The following PRKN variants were observed in gnomAD, a reference collection of about 807,000 sequenced individuals.
PRKN encodes the protein parkin RBR E3 ubiquitin protein ligase.
A neutral mutation model predicts 59.5 loss-of-function variants in PRKN; 56 were observed. The ratio of observed to expected loss-of-function variants is 0.94; its 90% CI spans 0.76 to 1.18. The LOEUF is 1.18. PRKN is among the 50% of genes most tolerant of loss of function. The pLI, the probability that PRKN is intolerant of heterozygous loss-of-function variation, is 0.00. For synonymous variants in PRKN, 250 were observed against 222.1 expected (o/e 1.13, Z -1.12); for missense variants, 657 against 596.4 (o/e 1.10, Z -1.06).
intron 5 of PRKN, among the ~76,000 whole-genome samples, chr6:162,053,003 A>G (rs539442003): frequency 5.9e-5 from 9 of 152,308 alleles, no homozygotes; most frequent in African/African-American, 2.2e-4. Context: ...ATTCTGCCCT[A>G]TGAAATACGC....
intron 7 of PRKN, among the ~76,000 whole-genome samples, chr6:161,721,687 G>GTGC (rs1787229360): frequency 6.6e-6 from 1 of 152,114 alleles, no homozygotes; most frequent in South Asian, 2.1e-4. Context: ...CTGGGGCTGC[G>GTGC]TGGATGGCCC....
At chr6:161,609,766 G>T (rs1369365945) in intron 7 of PRKN, among the ~76,000 whole-genome samples, 3 of 152,196 alleles carry the variant, frequency 2.0e-5, no homozygotes, top group Admixed American at 6.5e-5. Flanking sequence ...TCAGGGCGAG[G>T]TCTGTGCTGG....
intron 1 of PRKN, among the ~76,000 whole-genome samples, chr6:162,474,717 G>C (rs1030923073): frequency 6.6e-6 from 1 of 152,136 alleles, no homozygotes; most frequent in East Asian, 1.9e-4. Flanking sequence ...AACAGGTTTC[G>C]ATGGGAGATG....
intron 7 of PRKN, among the ~76,000 whole-genome samples, chr6:161,708,992 A>G (rs939639793): frequency 1.3e-5 from 2 of 152,254 alleles, no homozygotes; most frequent in African/African-American, 4.8e-5. Flanking sequence ...GCCACCTATG[A>G]CAACTGAGCA....
chr6:161,865,537 C>T (rs1437612479), intron 6 of PRKN, among the ~76,000 whole-genome samples: 1 of 152,180 alleles, frequency 6.6e-6, no homozygotes, highest in Non-Finnish European at 1.5e-5. Flanking sequence ...CCAGATACAT[C>T]AAACATTTAA....
intron 7 of PRKN, among the ~76,000 whole-genome samples, chr6:161,570,124 T>TAAAAAAAAAAAAAAAAAAAAAAAAAA (rs55699586): frequency 1.9e-5 from 1 of 51,418 alleles, no homozygotes; most frequent in African/African-American, 8.3e-5. Context: ...AGTAAATAGG[T>TAAAAAAAAAAAAAAAAAAAAAAAAAA]AAAAAAAAAA....
chr6:162,155,519 A>G (rs1782475198), intron 4 of PRKN, among the ~76,000 whole-genome samples: 1 of 152,258 alleles, frequency 6.6e-6, no homozygotes, highest in South Asian at 2.1e-4. Context: ...CAAGCAGAAT[A>G]TCATAGATAC....
At chr6:162,425,942 A>G (rs1010738222) in intron 2 of PRKN, among the ~76,000 whole-genome samples, 5 of 152,230 alleles carry the variant, frequency 3.3e-5, no homozygotes, top group African/African-American at 1.2e-4. Flanking sequence ...CTAACCACAA[A>G]GATTTGAAAT....
intron 4 of PRKN, among the ~76,000 whole-genome samples, chr6:162,149,514 G>C (rs528326339): frequency 6.6e-6 from 1 of 152,242 alleles, no homozygotes; most frequent in Non-Finnish European, 1.5e-5. Context: ...AAAGTGCAGG[G>C]ATTATAGGCA....
In PRKN at chr6:161,786,047, C is replaced by T. The variant is rs1317231124; in HGVS notation, c.735-139G>A. ...AAGACCGGAGCTGCTAAGCATTAAG[C>T]TCATGTATACCAACACAACATCTTA... On this transcript the variant is annotated intron_variant, in intron 6 of 11. Coordinates refer to ENST00000366898, the MANE Select transcript of PRKN (RefSeq NM_004562.3). 5.0e-6 allele frequency: 4 copies of T among 792,564 alleles called. No homozygotes were observed. In the Admixed American group the frequency reaches 8.1e-5, roughly 16 times the overall value. 49.1% of individuals were successfully genotyped at this position (792,564 alleles called of 1,614,324 possible).
rs1231677213 is a variant in PRKN at position 161,353,852 on chromosome 6, T to C, written c.1286-3641A>G. ...TATTTCCTGGTAGACAGCGCCAGGGTTGAAGAGCAGGACACTCAGCCGGTG... is the reference window on the plus strand; with the variant it reads ...TATTTCCTGGTAGACAGCGCCAGGGCTGAAGAGCAGGACACTCAGCCGGTG... On this transcript the variant is annotated intron_variant, in intron 11 of 11. Coordinates refer to ENST00000366898, the MANE Select transcript of PRKN (RefSeq NM_004562.3). The surrounding 1 kb of genome is among the most constrained non-coding windows in gnomAD (Gnocchi z 4.8). Among the ~76,000 whole-genome samples, 1 of 152,092 alleles carries C rather than the reference T, an allele frequency of 6.6e-6. No homozygotes were observed. The highest frequency in any genetic ancestry group is 1.5e-5 in the Non-Finnish European group (1 of 67,986).
rs1780948185 is a variant in PRKN at position 162,584,794 on chromosome 6, TCCCCTCCC to T, written c.8-141329_8-141322del. ...TCTTTTCCTCTCCTCTCCTCTCCCCTCCCCTCCCCTCCCCTCCCCTCCCCTCCCCTCCC... is the reference window on the plus strand; with the variant it reads ...TCTTTTCCTCTCCTCTCCTCTCCCCTCTCCCCTCCCCTCCCCTCCCCTCCC... On this transcript the variant is annotated intron_variant, in intron 1 of 11. Transcript: ENST00000366898. 6.0e-4 allele frequency among the ~76,000 whole-genome samples: 4 copies of T among 6,620 alleles called. 1 individual carries two copies. Among genetic ancestry groups the T allele is most frequent in the East Asian group, 0.011 (2 of 174 alleles). The allele number at this position is 6,620 out of a possible 152,430, so 4.3% of individuals were successfully genotyped here. A position where few individuals can be genotyped will look rare whatever the true frequency, so the allele number is the denominator to read the frequency against.
intron 2 of PRKN, among the ~76,000 whole-genome samples, chr6:162,387,815 G>A (rs117017262): frequency 0.015 from 2,266 of 152,294 alleles, 33 homozygotes; most frequent in Non-Finnish European, 0.023. Flanking sequence ...AGAAGAATGC[G>A]TCAGGTGGAA....
chr6:161,967,158 A>T (rs1174098765), intron 6 of PRKN, among the ~76,000 whole-genome samples: 1 of 152,230 alleles, frequency 6.6e-6, no homozygotes, highest in Non-Finnish European at 1.5e-5. Context: ...TTTATGTCAA[A>T]TGTAAACTCA....
At chr6:161,797,927 C>T (rs747052155) in intron 6 of PRKN, among the ~76,000 whole-genome samples, 1 of 152,146 alleles carries the variant, frequency 6.6e-6, no homozygotes, top group Non-Finnish European at 1.5e-5. Context: ...CAGAGCCAGG[C>T]GCAGTGGCTC....
At chr6:161,995,492 T>C (rs890958915) in intron 5 of PRKN, among the ~76,000 whole-genome samples, 1 of 151,774 alleles carries the variant, frequency 6.6e-6, no homozygotes, top group South Asian at 2.1e-4. Flanking sequence ...GGAGAAAATA[T>C]CTCCAAACTA....
At position 161,445,265 on chromosome 6, in the gene PRKN, G is replaced by A. The variant is rs997962265; in HGVS notation, c.1084-58388C>T. Among the ~76,000 whole-genome samples, 2 of 152,298 alleles carry A rather than the reference G, an allele frequency of 1.3e-5. No homozygotes were observed. The highest frequency in any genetic ancestry group is 2.4e-5 in the African/African-American group (1 of 41,558). ...GCTGCCTGACCACAAAGACAGGACT[G>A]TAAAACATAGACCGCATGTGACCTG... On this transcript the variant is annotated intron_variant, in intron 9 of 11. Transcript: ENST00000366898. The surrounding 1 kb of genome is among the most constrained non-coding windows in gnomAD (Gnocchi z 7.7).
intron 6 of PRKN, among the ~76,000 whole-genome samples, chr6:161,809,789 G>T (rs1791487478): frequency 6.6e-6 from 1 of 152,094 alleles, no homozygotes; most frequent in African/African-American, 2.4e-5. Flanking sequence ...CAGAATGTAA[G>T]AATGTAGGTG....
intron 3 of PRKN, 101 bp downstream of exon 3, chr6:162,262,423 CG>C: frequency 7.1e-7 from 1 of 1,411,528 alleles, no homozygotes; most frequent in Non-Finnish European, 1.0e-6. Context: ...CAATCCAAAA[CG>C]TATCATAAAC....
Sources: gnomAD v4.1 joint callset for allele counts (sites outside exome capture counted in the v4.1 genomes callset) on GRCh38, gnomAD v4.1.1 for gene constraint, Gnocchi (gnomAD v3.1) non-coding constraint, MANE v1.5 for transcripts, NCBI Gene and HGNC (gene_info 2026-07-23, HGNC 2026-07-21) for gene names.